NAV2: variants seen among roughly 807,000 people sequenced by gnomAD.
The protein encoded by NAV2 is neuron navigator 2.
NAV2 carries 54 observed loss-of-function variants against 223.2 expected under a neutral mutation model. The ratio of observed to expected loss-of-function variants is 0.24; its 90% confidence interval spans 0.19 to 0.30. NAV2 has a LOEUF of 0.30. Among genes scored for constraint, NAV2 ranks in the 10% least tolerant of loss-of-function variants. The probability of loss-of-function intolerance (pLI) is 1.00; values close to 1 mark genes in which losing one functional copy is unlikely to be tolerated. For missense variants in NAV2, 2,806 were observed against 3,147.5 expected (o/e 0.89, Z 2.60); for synonymous variants, 1,279 against 1,239.3 (o/e 1.03, Z -0.67).
At chr11:19,774,598 AG>A (rs2055990645) in intron 1 of NAV2, among the ~76,000 whole-genome samples, 1 of 152,174 alleles carries the variant, frequency 6.6e-6, no homozygotes, top group South Asian at 2.1e-4. Flanking sequence ...TGTGCATGGT[AG>A]GGACACACAC....
At chr11:20,059,440 T>C (rs921432575) in intron 19 of NAV2, among the ~76,000 whole-genome samples, 3 of 152,214 alleles carry the variant, frequency 2.0e-5, no homozygotes, top group Non-Finnish European at 4.4e-5. Context: ...TTGGCTGGAA[T>C]ATGCCTAGTT....
At chr11:19,916,346 C>T (rs2153224954) in intron 6 of NAV2, among the ~76,000 whole-genome samples, 1 of 152,102 alleles carries the variant, frequency 6.6e-6, no homozygotes, top group South Asian at 2.1e-4. Context: ...CAGTTAGACC[C>T]AATTTTACTA....
chr11:19,666,387 C>T (rs1296400249), intron 1 of NAV2, among the ~76,000 whole-genome samples: 1 of 152,234 alleles, frequency 6.6e-6, no homozygotes, highest in Non-Finnish European at 1.5e-5. Context: ...CCTGTCATCA[C>T]AGTCCCTACC....
chr11:19,782,080 A>G (rs2056792641), intron 1 of NAV2, among the ~76,000 whole-genome samples: 1 of 152,096 alleles, frequency 6.6e-6, no homozygotes, highest in South Asian at 2.1e-4. Context: ...ACTAATTGTA[A>G]CTGGCATAGA....
intron 36 of NAV2, among the ~76,000 whole-genome samples, chr11:20,110,081 A>T (rs1438549848): frequency 6.6e-6 from 1 of 152,236 alleles, no homozygotes; most frequent in Admixed American, 6.5e-5. Flanking sequence ...CCACCATGGG[A>T]AAGTGAGGCC....
At chr11:19,515,367 C>A (rs1361335603) in intron 1 of NAV2, among the ~76,000 whole-genome samples, 1 of 152,206 alleles carries the variant, frequency 6.6e-6, no homozygotes, top group Admixed American at 6.5e-5. Context: ...AGGGAACTTG[C>A]AGCCTCTCTG....
intron 1 of NAV2, among the ~76,000 whole-genome samples, chr11:19,634,126 C>T (rs1363650257): frequency 2.0e-5 from 3 of 152,228 alleles, no homozygotes; most frequent in Non-Finnish European, 4.4e-5. Context: ...CACTGACCAC[C>T]GTGGAGCAGG....
chr11:19,939,090 C>T (rs10766606), intron 7 of NAV2, among the ~76,000 whole-genome samples: 59,530 of 151,992 alleles, frequency 0.39, 13,826 homozygotes, highest in Non-Finnish European at 0.52. Flanking sequence ...AGATTTCAGT[C>T]AAGTGTTGAA....
At chr11:19,642,889 G>A (rs1426228669) in intron 1 of NAV2, among the ~76,000 whole-genome samples, 2 of 152,216 alleles carry the variant, frequency 1.3e-5, no homozygotes, top group African/African-American at 4.8e-5. Context: ...CCTGCTGCGA[G>A]AAAGTGGGCA....
At chr11:19,669,069 C>T (rs1028863519) in intron 1 of NAV2, among the ~76,000 whole-genome samples, 5 of 152,158 alleles carry the variant, frequency 3.3e-5, no homozygotes, top group African/African-American at 9.7e-5. Flanking sequence ...AGATGGTTAG[C>T]TCTAGCAGGG....
At chr11:19,400,190 G>A (rs1374334746) in intron 1 of NAV2, among the ~76,000 whole-genome samples, 4 of 152,168 alleles carry the variant, frequency 2.6e-5, no homozygotes, top group African/African-American at 9.7e-5. Flanking sequence ...AACCTTATAA[G>A]CTAGGGATCA....
chr11:19,510,852 C>T (rs1372747803), intron 1 of NAV2: 3 of 152,170 alleles, frequency 2.0e-5, no homozygotes, highest in East Asian at 1.9e-4. Flanking sequence ...CACAGACCAA[C>T]GAGCACAGAG....
chr11:19,989,802 C>T (rs2051149240), intron 11 of NAV2, among the ~76,000 whole-genome samples: 2 of 152,092 alleles, frequency 1.3e-5, no homozygotes. Context: ...GGTTACACAC[C>T]TAATGAGTGT....
intron 6 of NAV2, among the ~76,000 whole-genome samples, chr11:19,904,633 C>A (rs766233855): frequency 2.4e-4 from 36 of 152,054 alleles, no homozygotes; most frequent in Non-Finnish European, 3.8e-4. Flanking sequence ...AAATGAAGAT[C>A]TATATCCTGA....
intron 11 of NAV2, among the ~76,000 whole-genome samples, chr11:19,999,913 G>A (rs1807029559): frequency 1.3e-5 from 2 of 152,184 alleles, no homozygotes; most frequent in African/African-American, 4.8e-5. Flanking sequence ...AGGAAAGTGA[G>A]GCACAGAAAG....
chr11:19,549,761 G>T (rs929034943), intron 1 of NAV2, among the ~76,000 whole-genome samples: 1 of 152,250 alleles, frequency 6.6e-6, no homozygotes, highest in Non-Finnish European at 1.5e-5. Context: ...AGAGGCCCCA[G>T]TGGACATCAC....
At position 19,831,232 on chromosome 11, in the gene NAV2, G is replaced by GC. The variant is rs1389938079; in HGVS notation, c.268-1252_268-1251insC. ...CATTCCAGGAGTGTTGCGGGGGGGG[G>GC]GGGGGCGCGATGGGGAGTGGGGGGG... On this transcript the variant is annotated intron_variant, in intron 1 of 37. Transcript: ENST00000349880. 3.5e-5 allele frequency among the ~76,000 whole-genome samples: 4 copies of GC among 114,188 alleles called. 1 individual carries two copies. Among genetic ancestry groups the GC allele is most frequent in the African/African-American group, 7.2e-5 (2 of 27,604 alleles). 74.9% of individuals were successfully genotyped at this position (114,188 alleles called of 152,430 possible). A position where few individuals can be genotyped will look rare whatever the true frequency, so the allele number is the denominator to read the frequency against.
intron 1 of NAV2, among the ~76,000 whole-genome samples, chr11:19,642,410 C>A (rs2047690600): frequency 6.6e-6 from 1 of 152,196 alleles, no homozygotes; most frequent in African/African-American, 2.4e-5. Context: ...TTATTTTGAG[C>A]AAACTTCCAT....
chr11:19,811,222 CTGG>C (rs1394857303), intron 1 of NAV2, among the ~76,000 whole-genome samples: 1 of 152,152 alleles, frequency 6.6e-6, no homozygotes, highest in Non-Finnish European at 1.5e-5. Flanking sequence ...GGAGTTCCTG[CTGG>C]TAGGAAGCCT....
Sources: allele counts gnomAD v4.1 joint callset (sites outside exome capture counted in the v4.1 genomes callset), GRCh38; gene constraint gnomAD v4.1.1; transcripts MANE v1.5; gene names NCBI Gene and HGNC (gene_info 2026-07-23, HGNC 2026-07-21).